The following CLASP2 variants were observed in gnomAD, a reference collection of about 807,000 sequenced individuals.
CLASP2 encodes CLIP-associating protein 2.
In CLASP2, 47 loss-of-function variants were observed where a neutral mutation model predicts 194.4. The observed-to-expected ratio is 0.24, with a 90% CI of 0.19 to 0.31. The LOEUF is 0.31. Among genes scored for constraint, CLASP2 ranks in the 10% least tolerant of loss-of-function variants. The pLI, the probability that CLASP2 is intolerant of heterozygous loss-of-function variation, is 1.00. For synonymous variants in CLASP2, 619 were observed against 633.5 expected, an observed-to-expected ratio of 0.98 and a Z score of 0.34; for missense variants, 1,445 against 1,823.6, an observed-to-expected ratio of 0.79 and a Z score of 3.78.
At position 33,535,481 on chromosome 3, in the gene CLASP2, G is replaced by A. The variant is rs918455245; in HGVS notation, c.3559-20C>T. On this transcript the variant is annotated intron_variant, in intron 33 of 38. Coordinates refer to ENST00000682230, the MANE Select transcript of CLASP2 (RefSeq NM_001365631.1). ...ACACATCTATCAATGGGAAGTGAAAGCCACAGCAAATTAACTCATTTTTCA... is the reference window on the plus strand; with the variant it reads ...ACACATCTATCAATGGGAAGTGAAAACCACAGCAAATTAACTCATTTTTCA... 4 of 1,571,546 alleles carry A rather than the reference G, an allele frequency of 2.5e-6. No individual in the cohort carries two copies. Among genetic ancestry groups the A allele is most frequent in the Non-Finnish European group, 3.5e-6 (4 of 1,144,938 alleles).
intron 21 of CLASP2, among the ~76,000 whole-genome samples, chr3:33,590,916 C>T (rs1467923213): frequency 1.3e-5 from 2 of 152,184 alleles, no homozygotes. Context: ...TGCAGTGGCT[C>T]ATACCTATAA....
chr3:33,560,795 A>T lies in CLASP2; in HGVS notation c.2930+13T>A, dbSNP rs990241143. 1.9e-6 allele frequency: 3 copies of T among 1,608,046 alleles called. No homozygotes were observed. Among genetic ancestry groups the T allele is most frequent in the East Asian group, 4.5e-5 (2 of 44,840 alleles). ...TTATCAGGTTAACTTGAAATATATG[A>T]AAAAAATATTACCTTGTAACATCAA... is the stretch of plus-strand genomic sequence containing the variant. On this transcript the variant is annotated intron_variant, in intron 28 of 38. Transcript: ENST00000682230.
At chr3:33,601,725 T>G (rs889937994) in intron 18 of CLASP2, among the ~76,000 whole-genome samples, 5 of 152,206 alleles carry the variant, frequency 3.3e-5, no homozygotes, top group Non-Finnish European at 5.9e-5. Context: ...CTATATGGTG[T>G]GTAACATGGT....
rs1275365528 is a variant in CLASP2 at position 33,573,145 on chromosome 3, A to C, written c.2664T>G (p.Gly888=). The change falls in exon 25 of 39, where the codon GGT becomes GGG. Residue 888 remains glycine (G), a synonymous_variant. Coordinates refer to ENST00000682230, the MANE Select transcript of CLASP2 (RefSeq NM_001365631.1). ...NWSERKEGLL[G]LQNLLKNQRT... is the part of the protein sequence containing the mutation. ...TCTGATTTTTTAATAAGTTCTGCAG[A>C]CCTAGGAGGCCTTCTTTCCTTTCTG... is the stretch of plus-strand genomic sequence containing the variant. The C allele has an allele frequency of 6.2e-7, 1 of 1,613,604 alleles. No individual in the cohort carries two copies.
At chr3:33,612,289 G>A (rs952262812) in intron 12 of CLASP2, among the ~76,000 whole-genome samples, 2 of 152,158 alleles carry the variant, frequency 1.3e-5, no homozygotes. Flanking sequence ...GATATAATAT[G>A]ATCTAACAAA....
At chr3:33,503,766 C>T (rs1484920337) in intron 37 of CLASP2, 2 of 152,096 alleles carry the variant, frequency 1.3e-5, no homozygotes, top group African/African-American at 2.4e-5. Context: ...AACTGCATTC[C>T]ACAGCAGCTG....
At chr3:33,657,466 A>C (rs1169743457) in intron 7 of CLASP2, among the ~76,000 whole-genome samples, 1 of 152,094 alleles carries the variant, frequency 6.6e-6, no homozygotes, top group East Asian at 1.9e-4. Flanking sequence ...TATTTGAAAA[A>C]AGAAAAACTA....
intron 2 of CLASP2, among the ~76,000 whole-genome samples, 191 bp from the exon 3 acceptor site, chr3:33,690,123 T>C (rs1484193077): frequency 3.3e-5 from 5 of 152,168 alleles, no homozygotes; most frequent in East Asian, 1.9e-4. Context: ...ACATGCAGCA[T>C]GATATCTCCT....
At chr3:33,707,864 AG>A (rs2092768270) in intron 1 of CLASP2, among the ~76,000 whole-genome samples, 1 of 152,246 alleles carries the variant, frequency 6.6e-6, no homozygotes, top group Non-Finnish European at 1.5e-5. Context: ...AAACATTAAA[AG>A]AGACTTAATA....
intron 1 of CLASP2, among the ~76,000 whole-genome samples, chr3:33,698,302 C>T (rs1393902988): frequency 1.3e-5 from 2 of 152,094 alleles, no homozygotes; most frequent in Non-Finnish European, 2.9e-5. Context: ...AAGCCTTCTA[C>T]CCCAGAGGAA....
At chr3:33,626,946 C>T in intron 10 of CLASP2, 42 bp downstream of exon 10, 2 of 1,200,032 alleles carry the variant, frequency 1.7e-6, no homozygotes, top group Non-Finnish European at 2.4e-6. Flanking sequence ...AAAGGAACAT[C>T]AATAAAGAAA....
rs568608039 is a variant in CLASP2 at position 33,562,148 on chromosome 3, C to T, written c.2767-1177G>A. Among the ~76,000 whole-genome samples, 277 of 152,248 alleles carry T rather than the reference C, an allele frequency of 1.8e-3. 1 individual carries two copies. Among genetic ancestry groups the T allele is most frequent in the Non-Finnish European group, 3.1e-3 (212 of 68,010 alleles). Reference sequence around the variant, plus strand: ...ATATACTTTAGCTATTTGCTTAAGACGCTGTATACCTGTAACAGCAGAAAC... The same window carrying T: ...ATATACTTTAGCTATTTGCTTAAGATGCTGTATACCTGTAACAGCAGAAAC... On this transcript the variant is annotated intron_variant, in intron 27 of 38. Coordinates refer to ENST00000682230, the MANE Select transcript of CLASP2 (RefSeq NM_001365631.1).
At chr3:33,689,134 T>C (rs2091051387) in intron 3 of CLASP2, among the ~76,000 whole-genome samples, 1 of 150,818 alleles carries the variant, frequency 6.6e-6, no homozygotes, top group Non-Finnish European at 1.5e-5. Context: ...AATATATTTC[T>C]CTCTCCCTAC....
At chr3:33,519,185 A>T (rs1057414585) in intron 34 of CLASP2, among the ~76,000 whole-genome samples, 1 of 152,204 alleles carries the variant, frequency 6.6e-6, no homozygotes, top group Non-Finnish European at 1.5e-5. Context: ...GCAGTGCTCA[A>T]GAAGTACAAA....
chr3:33,533,532 G>C (rs1312127378), intron 34 of CLASP2, among the ~76,000 whole-genome samples: 1 of 152,024 alleles, frequency 6.6e-6, no homozygotes, highest in Non-Finnish European at 1.5e-5. Context: ...AATAATCAAG[G>C]AAATGTACAT....
At chr3:33,603,810 A>G (rs1434071929) in intron 17 of CLASP2, among the ~76,000 whole-genome samples, 1 of 151,968 alleles carries the variant, frequency 6.6e-6, no homozygotes, top group Non-Finnish European at 1.5e-5. Context: ...TTTAGTGGAG[A>G]TGGGGTCTCC....
intron 16 of CLASP2, among the ~76,000 whole-genome samples, chr3:33,605,531 C>A (rs1159056751): frequency 6.6e-6 from 1 of 152,186 alleles, no homozygotes; most frequent in Non-Finnish European, 1.5e-5. Context: ...AGGTGCCTCA[C>A]TTGCCTCACC....
intron 8 of CLASP2, among the ~76,000 whole-genome samples, chr3:33,637,440 A>G (rs1447989458): frequency 6.6e-6 from 1 of 152,194 alleles, no homozygotes; most frequent in African/African-American, 2.4e-5. Flanking sequence ...AGGCCGAGGC[A>G]GGAGAATCGC....
At chr3:33,687,657 A>T (rs974446009) in intron 4 of CLASP2, among the ~76,000 whole-genome samples, 1 of 152,260 alleles carries the variant, frequency 6.6e-6, no homozygotes, top group Non-Finnish European at 1.5e-5. Flanking sequence ...GTGAAAATAT[A>T]GTTAAGAAAA....
Sources: allele counts gnomAD v4.1 joint callset (sites outside exome capture counted in the v4.1 genomes callset), GRCh38; gene constraint gnomAD v4.1.1; transcripts MANE v1.5; gene names NCBI Gene and HGNC (gene_info 2026-07-23, HGNC 2026-07-21).